NCAPH2: variants seen among roughly 807,000 people sequenced by gnomAD.
NCAPH2 encodes the protein non-SMC condensin II complex subunit H2.
Under a neutral mutation model 88.6 loss-of-function variants are expected in NCAPH2, and 56 were observed. That is an observed-to-expected ratio of 0.63 (90% CI 0.51 to 0.79). The LOEUF (loss-of-function observed/expected upper bound fraction) is 0.79. NCAPH2 is among the 30% of genes least tolerant of loss of function. NCAPH2 has a pLI of 0.00. For synonymous variants in NCAPH2, 378 were observed against 313.6 expected (o/e 1.21, Z -2.17); for missense variants, 794 against 792.0 (o/e 1.00, Z -0.03).
At chr22:50,512,699 C>T (rs2068818442) in intron 1 of NCAPH2, among the ~76,000 whole-genome samples, 1 of 151,902 alleles carries the variant, frequency 6.6e-6, no homozygotes, top group South Asian at 2.1e-4. Flanking sequence ...CATGTGCCAC[C>T]GCACCTGGCT....
Position 50,523,063 on chromosome 22 carries a change from T to A in NCAPH2, c.1574T>A (p.Val525Asp). Reference sequence around the variant, plus strand: ...ATCCACACCTATGGGGACCAGCTGGTCTCACGGTTCCCCCAGCTCAATGAG... The same window carrying A: ...ATCCACACCTATGGGGACCAGCTGGACTCACGGTTCCCCCAGCTCAATGAG... ...FDIHTYGDQL[V>D]SRFPQLNEWC... The change falls in exon 19 of 20, where the codon GTC becomes GAC. Residue 525 changes from valine (V) to aspartate (D), a missense_variant. Transcript: ENST00000420993. The A allele has an allele frequency of 6.2e-7, 1 of 1,607,674 alleles. No individual in the cohort carries two copies. Among genetic ancestry groups the A allele is most frequent in the Non-Finnish European group, 8.5e-7 (1 of 1,175,696 alleles).
intron 2 of NCAPH2, among the ~76,000 whole-genome samples, chr22:50,516,807 C>T (rs2068936952): frequency 6.6e-6 from 1 of 152,238 alleles, no homozygotes; most frequent in South Asian, 2.1e-4. Context: ...CACTTGGACA[C>T]AGCCCAGGGT....
At position 50,522,591 on chromosome 22, in the gene NCAPH2, A is replaced by T. The variant is rs202097811; in HGVS notation, c.1375+22A>T. The T allele has an allele frequency of 5.0e-6, 8 of 1,613,438 alleles. No homozygotes were observed. The East Asian group carries it at 1.6e-4, about 31-fold the overall frequency. ...CTTGGTAGGTGGGCAGCGGGCTAGG[A>T]GTGCTGAGGGGCCACTGGAGCTGGG... On this transcript the variant is annotated intron_variant, in intron 16 of 19. Coordinates refer to ENST00000420993, the MANE Select transcript of NCAPH2 (RefSeq NM_152299.4).
At position 50,524,348 on chromosome 22, in the gene NCAPH2, G is replaced by A. The variant is rs780695103; in HGVS notation, c.*973G>A. 3.7e-6 allele frequency: 6 copies of A among 1,602,024 alleles called. No homozygotes were observed. In the South Asian group the frequency reaches 5.5e-5, roughly 15 times the overall value. ...GCCTGGCCTCCCAGGGTCCCAGGGA[G>A]GACCCGAGGCTTGAGCTGAGAGAGC... On this transcript the variant is annotated 3_prime_UTR_variant, in exon 20 of 20. Transcript: ENST00000420993.
rs1431897326 is a variant in NCAPH2 at position 50,524,452 on chromosome 22, C to T, written c.*1077C>T. On this transcript the variant is annotated 3_prime_UTR_variant, in exon 20 of 20. Coordinates refer to ENST00000420993, the MANE Select transcript of NCAPH2 (RefSeq NM_152299.4). Reference sequence around the variant, plus strand: ...GGAAACAAGCACAGGCGTCAGGAGCCAGAAGGGAAGGCCCAGGACAGTGCC... The same window carrying T: ...GGAAACAAGCACAGGCGTCAGGAGCTAGAAGGGAAGGCCCAGGACAGTGCC... The T allele has an allele frequency of 1.9e-6, 3 of 1,601,624 alleles. No individual in the cohort carries two copies. The highest frequency in any genetic ancestry group is 1.7e-4 in the Middle Eastern group (1 of 6,048).
At chr22:50,514,738 G>C (rs905519532) in intron 1 of NCAPH2, among the ~76,000 whole-genome samples, 2 of 152,220 alleles carry the variant, frequency 1.3e-5, no homozygotes, top group Non-Finnish European at 2.9e-5. Context: ...AGACGACCAT[G>C]CTGCTGTTTC....
intron 1 of NCAPH2, among the ~76,000 whole-genome samples, chr22:50,510,456 C>G (rs1437309993): frequency 6.6e-6 from 1 of 152,060 alleles, no homozygotes; most frequent in African/African-American, 2.4e-5. Flanking sequence ...GAGATGGAGT[C>G]TTGCTCTGTT....
chr22:50,513,776 AAACC>A (rs2068848168), intron 1 of NCAPH2, among the ~76,000 whole-genome samples: 1 of 152,092 alleles, frequency 6.6e-6, no homozygotes, highest in South Asian at 2.1e-4. Flanking sequence ...ACAAAAACCA[AAACC>A]AACCAACCAA....
intron 5 of NCAPH2, 65 bp from the exon 6 acceptor site, chr22:50,517,908 T>G: frequency 1.2e-6 from 2 of 1,602,876 alleles, no homozygotes; most frequent in East Asian, 4.5e-5. Context: ...CATTGCCCCA[T>G]GTGGGTCCTG....
At chr22:50,510,707 G>T (rs1012101642) in intron 1 of NCAPH2, among the ~76,000 whole-genome samples, 1 of 152,228 alleles carries the variant, frequency 6.6e-6, no homozygotes, top group East Asian at 1.9e-4. Context: ...TGGGATTACA[G>T]ACGTGAGCCA....
intron 9 of NCAPH2, among the ~76,000 whole-genome samples, chr22:50,520,162 G>A (rs901060950): frequency 2.6e-5 from 4 of 151,892 alleles, no homozygotes; most frequent in South Asian, 2.1e-4. Context: ...GAGCCACCAC[G>A]CCCGGCCCAC....
At chr22:50,522,082 C>T (rs779706424) in intron 13 of NCAPH2, 43 bp downstream of exon 13, 76 of 1,613,482 alleles carry the variant, frequency 4.7e-5, no homozygotes, top group Non-Finnish European at 6.0e-5. Context: ...ACTCTCCTTC[C>T]CCTACCTCTT....
intron 1 of NCAPH2, among the ~76,000 whole-genome samples, chr22:50,509,023 C>T (rs535044215): frequency 1.1e-4 from 16 of 152,340 alleles, no homozygotes; most frequent in African/African-American, 3.1e-4. Context: ...CAGCAGTGAT[C>T]TCCATTCTAC....
intron 8 of NCAPH2, among the ~76,000 whole-genome samples, 158 bp from the exon 9 acceptor site, chr22:50,519,032 A>ATAGAG (rs539989156): frequency 1.3e-5 from 2 of 152,198 alleles, no homozygotes; most frequent in African/African-American, 4.8e-5. Context: ...CAAGCAGAGC[A>ATAGAG]CAGAGCACAG....
intron 1 of NCAPH2, chr22:50,515,694 C>CA: frequency 1.0e-6 from 1 of 970,610 alleles, no homozygotes; most frequent in Admixed American, 2.9e-5. Flanking sequence ...CCGCACCCGG[C>CA]CTTTTTTTTT....
rs931755087 is a variant in NCAPH2, at chr22:50,517,764, T to G, written c.375T>G (p.Pro125=). ...AGTTCCTGTCGCTGGATGACTTCCC[T>G]GACTCCCGGACTAACGTGGATCTCA... ...ENEFLSLDDF[P]DSRTNVDLKN... Residue 125 remains proline (P), a synonymous_variant, in exon 5 of 20, where the codon CCT becomes CCG. Coordinates refer to ENST00000420993, the MANE Select transcript of NCAPH2 (RefSeq NM_152299.4). The G allele has an allele frequency of 6.2e-7, 1 of 1,613,914 alleles. No individual in the cohort carries two copies. The highest frequency in any genetic ancestry group is 8.5e-7 in the Non-Finnish European group (1 of 1,180,052).
chr22:50,524,230 A>G lies in NCAPH2; in HGVS notation c.*855A>G, dbSNP rs998111439. Reference sequence around the variant, plus strand: ...AGCCCCGAACAGGCCTGTGATCAGCAGCCGGGTTCGAAGCCCAGGGCCCTG... The same window carrying G: ...AGCCCCGAACAGGCCTGTGATCAGCGGCCGGGTTCGAAGCCCAGGGCCCTG... On this transcript the variant is annotated 3_prime_UTR_variant, in exon 20 of 20. Coordinates refer to ENST00000420993, the MANE Select transcript of NCAPH2 (RefSeq NM_152299.4). The G allele has an allele frequency of 6.2e-7, 1 of 1,607,304 alleles. No homozygotes were observed. Among genetic ancestry groups the G allele is most frequent in the African/African-American group, 1.3e-5 (1 of 74,988 alleles).
rs201616514 is a variant in NCAPH2 at position 50,516,439 on chromosome 22, T to G, written c.109-8T>G. ...GGATTCCCCCTGTCTTTGTGTTGTT[T>G]CTTGCAGCTGGATCAGATCTGCATT... On this transcript the variant is annotated splice_region_variant and splice_polypyrimidine_tract_variant and intron_variant, in intron 1 of 19. Coordinates refer to ENST00000420993, the MANE Select transcript of NCAPH2 (RefSeq NM_152299.4). 8.1e-6 allele frequency: 13 copies of G among 1,613,794 alleles called. No homozygotes were observed. In the South Asian group the frequency reaches 1.4e-4, roughly 18 times the overall value.
chr22:50,512,991 T>G (rs528807362), intron 1 of NCAPH2, among the ~76,000 whole-genome samples: 1 of 152,356 alleles, frequency 6.6e-6, no homozygotes, highest in African/African-American at 2.4e-5. Flanking sequence ...CCCACTATGG[T>G]AGGACTTCCT....
Sources: gnomAD v4.1 joint callset for allele counts (sites outside exome capture counted in the v4.1 genomes callset) on GRCh38, gnomAD v4.1.1 for gene constraint, MANE v1.5 for transcripts, NCBI Gene and HGNC (gene_info 2026-07-23, HGNC 2026-07-21) for gene names.